SORCS2: variants seen among roughly 807,000 people sequenced by gnomAD.
SORCS2 encodes VPS10 domain-containing receptor SorCS2.
SORCS2 carries 100 observed loss-of-function variants against 141.6 expected under a neutral mutation model. That is an observed-to-expected ratio of 0.71 (90% CI 0.60 to 0.83). The LOEUF is 0.83. Among genes scored for constraint, SORCS2 ranks in the 40% least tolerant of loss-of-function variants. The probability of loss-of-function intolerance (pLI) is 0.00; values close to 1 mark genes in which losing one functional copy is unlikely to be tolerated. For synonymous variants in SORCS2, 789 were observed against 676.9 expected, an observed-to-expected ratio of 1.17 and a Z score of -2.57; for missense variants, 1,646 against 1,560.2, an observed-to-expected ratio of 1.05 and a Z score of -0.93.
chr4:7,485,027 C>G (rs1224277954), intron 2 of SORCS2, among the ~76,000 whole-genome samples: 1 of 152,246 alleles, frequency 6.6e-6, no homozygotes, highest in Non-Finnish European at 1.5e-5. Flanking sequence ...GGCAGACTGT[C>G]TGTTCATCCT....
intron 8 of SORCS2, among the ~76,000 whole-genome samples, chr4:7,671,989 G>A (rs1479372780): frequency 1.3e-5 from 2 of 148,518 alleles, no homozygotes; most frequent in Non-Finnish European, 3.0e-5. Flanking sequence ...TGTCACCCAG[G>A]CTGGAGTTCA....
chr4:7,230,644 T>C (rs1158797101), intron 1 of SORCS2, among the ~76,000 whole-genome samples: 1 of 123,726 alleles, frequency 8.1e-6, no homozygotes, highest in Non-Finnish European at 1.8e-5. Flanking sequence ...CATGTGCTCA[T>C]GTATGAAGGA....
In SORCS2 at chr4:7,658,430, G is replaced by A. The variant is rs564377786; in HGVS notation, c.888-3070G>A. Among the ~76,000 whole-genome samples, 10 of 152,298 alleles carry A rather than the reference G, an allele frequency of 6.6e-5. No homozygotes were observed. The East Asian group carries it at 1.9e-3, about 29-fold the overall frequency. On this transcript the variant is annotated intron_variant, in intron 5 of 26. Transcript: ENST00000507866. ...GAGGCTAAAATTCTGTATTGCTGGT[G>A]GAGGGCCTGCTGCTGAAGGGAACAA... is the stretch of plus-strand genomic sequence containing the variant.
chr4:7,427,967 A>G (rs1010213708), intron 2 of SORCS2, among the ~76,000 whole-genome samples: 1 of 151,964 alleles, frequency 6.6e-6, no homozygotes, highest in Admixed American at 6.5e-5. Context: ...TGGAGGTTGC[A>G]CTGCAGCCAG....
At chr4:7,217,107 C>T (rs1357293935) in intron 1 of SORCS2, among the ~76,000 whole-genome samples, 2 of 152,218 alleles carry the variant, frequency 1.3e-5, no homozygotes, top group African/African-American at 4.8e-5. Context: ...GGCCCTGCTC[C>T]ATGGGGCTCC....
chr4:7,633,636 G>A (rs1720041206), intron 3 of SORCS2, among the ~76,000 whole-genome samples: 1 of 152,160 alleles, frequency 6.6e-6, no homozygotes, highest in East Asian at 1.9e-4. Flanking sequence ...ACGCATAAGT[G>A]GATGAGTTTT....
intron 3 of SORCS2, among the ~76,000 whole-genome samples, chr4:7,541,880 A>G (rs568830143): frequency 6.6e-6 from 1 of 152,330 alleles, no homozygotes; most frequent in African/African-American, 2.4e-5. Context: ...AACTGTTTTG[A>G]TTCCAGGACT....
chr4:7,259,922 T>C (rs1352993683), intron 1 of SORCS2, among the ~76,000 whole-genome samples: 1 of 152,232 alleles, frequency 6.6e-6, no homozygotes, highest in Non-Finnish European at 1.5e-5. Flanking sequence ...ACCCAGCCTG[T>C]TGGGCAGGAC....
rs370985392 is a variant in SORCS2, at chr4:7,437,351, C to T, written c.548+40996C>T. On this transcript the variant is annotated intron_variant, in intron 2 of 26. Coordinates refer to ENST00000507866, the MANE Select transcript of SORCS2 (RefSeq NM_020777.3). The stretch of plus-strand genomic sequence containing the variant: ...TGTGTACAAGGCAAGGACTAGGGGC[C>T]GGGGTGCAGGGCTTCCACACCCTCT... Among the ~76,000 whole-genome samples, 9 of 152,288 alleles carry T rather than the reference C, an allele frequency of 5.9e-5. No homozygotes were observed. The East Asian group carries it at 1.2e-3, about 20-fold the overall frequency.
intron 2 of SORCS2, among the ~76,000 whole-genome samples, chr4:7,519,262 C>T (rs191370633): frequency 6.6e-6 from 1 of 152,318 alleles, no homozygotes; most frequent in East Asian, 1.9e-4. Context: ...ATTCTAAAGA[C>T]TCCATCAGTT....
chr4:7,676,837 CCACCCCAGCCCTGTCA>C (rs2108954411), intron 9 of SORCS2, among the ~76,000 whole-genome samples: 1 of 134,128 alleles, frequency 7.5e-6, no homozygotes, highest in East Asian at 2.4e-4. Flanking sequence ...CTCCCTCTCT[CCACCCCAGCCCTGTCA>C]TCTCCTCCTT....
intron 1 of SORCS2, among the ~76,000 whole-genome samples, chr4:7,358,273 A>C (rs1721382512): frequency 6.6e-6 from 1 of 152,240 alleles, no homozygotes; most frequent in African/African-American, 2.4e-5. Context: ...GCTGCATGCC[A>C]GGCACTTGCT....
intron 2 of SORCS2, among the ~76,000 whole-genome samples, chr4:7,496,929 CCG>C (rs1731667111): frequency 3.9e-5 from 6 of 152,190 alleles, no homozygotes; most frequent in African/African-American, 7.2e-5. Context: ...AACCCAGTGC[CCG>C]TGCAGAGGTT....
intron 25 of SORCS2, among the ~76,000 whole-genome samples, chr4:7,736,829 T>G (rs548772631): frequency 6.6e-6 from 1 of 152,234 alleles, no homozygotes; most frequent in South Asian, 2.1e-4. Context: ...TCACCCAATG[T>G]GTCAGGGCAG....
chr4:7,593,067 T>TG (rs1264048151), intron 3 of SORCS2, among the ~76,000 whole-genome samples: 1 of 152,110 alleles, frequency 6.6e-6, no homozygotes, highest in African/African-American at 2.4e-5. Flanking sequence ...GGCTTTTGCT[T>TG]GGGGTCTCAC....
chr4:7,447,256 T>A (rs115763338), intron 2 of SORCS2, among the ~76,000 whole-genome samples: 3,300 of 152,208 alleles, frequency 0.022, 94 homozygotes, highest in African/African-American at 0.075. Flanking sequence ...GGCCCTGGTG[T>A]CTGAGAGTGG....
In SORCS2 at chr4:7,639,772, C is replaced by CGT. The variant is rs746132885; in HGVS notation, c.813+1292_813+1293dup. Among the ~76,000 whole-genome samples the CGT allele has an allele frequency of 4.0e-3, 554 of 138,870 alleles. 3 individuals are homozygous for CGT. Among genetic ancestry groups the CGT allele is most frequent in the South Asian group, 0.011 (44 of 4,136 alleles). The allele number at this position is 138,870 out of a possible 152,430, so 91.1% of individuals were successfully genotyped here. On this transcript the variant is annotated intron_variant, in intron 4 of 26. Transcript: ENST00000507866. ...ATGTATGAGTGTATGTGGGTGTGAA[C>CGT]GTGTGTGTGTGTGGGTATGTATGGG...
chr4:7,266,479 C>T (rs1430456803), intron 1 of SORCS2, among the ~76,000 whole-genome samples: 2 of 152,166 alleles, frequency 1.3e-5, no homozygotes, highest in South Asian at 2.1e-4. Flanking sequence ...TGAGCTTTCC[C>T]GGGATGTCTC....
intron 1 of SORCS2, among the ~76,000 whole-genome samples, chr4:7,323,677 C>T (rs1577398627): frequency 1.3e-5 from 2 of 152,072 alleles, no homozygotes; most frequent in South Asian, 2.1e-4. Flanking sequence ...TAGAGGGTGG[C>T]GTTCAGAGTC....
Sources: allele counts gnomAD v4.1 joint callset (sites outside exome capture counted in the v4.1 genomes callset), GRCh38; gene constraint gnomAD v4.1.1; transcripts MANE v1.5; gene names NCBI Gene and HGNC (gene_info 2026-07-23, HGNC 2026-07-21).